The following MPP7 variants were observed in gnomAD, a reference collection of about 807,000 sequenced individuals.
MPP7 encodes the protein MAGUK p55 subfamily member 7.
Under a neutral mutation model 76.5 loss-of-function variants are expected in MPP7, and 60 were observed. The observed-to-expected ratio is 0.78, with a 90% confidence interval of 0.64 to 0.97. The LOEUF (loss-of-function observed/expected upper bound fraction) is 0.97. Among genes scored for constraint, MPP7 ranks in the 50% least tolerant of loss-of-function variants. The pLI, the probability that MPP7 is intolerant of heterozygous loss-of-function variation, is 0.00. For missense variants in MPP7, 641 were observed against 694.0 expected, an observed-to-expected ratio of 0.92 and a Z score of 0.86; for synonymous variants, 237 against 244.5, an observed-to-expected ratio of 0.97 and a Z score of 0.29.
intron 3 of MPP7, among the ~76,000 whole-genome samples, chr10:28,162,724 C>G (rs1836303594): frequency 6.6e-6 from 1 of 152,136 alleles, no homozygotes; most frequent in Non-Finnish European, 1.5e-5. Flanking sequence ...GGGGTTGAAC[C>G]TACTGACTTG....
At chr10:28,168,341 A>G (rs1312062791) in intron 3 of MPP7, among the ~76,000 whole-genome samples, 4 of 151,958 alleles carry the variant, frequency 2.6e-5, no homozygotes, top group African/African-American at 7.3e-5. Context: ...TGTGCTTTCT[A>G]TTTTCAGGAA....
At position 28,052,682 on chromosome 10, in the gene MPP7, AT is replaced by A. The variant is rs1286721806; in HGVS notation, c.*1382del. 1.3e-5 allele frequency: 2 copies of A among 152,468 alleles called. No individual in the cohort carries two copies. Among genetic ancestry groups the A allele is most frequent in the Non-Finnish European group, 2.9e-5 (2 of 68,046 alleles). The allele number at this position is 152,468 out of a possible 1,614,324, so 9.4% of individuals were successfully genotyped here. ...ATAGCCCCGTTTGATATTTAAAAAA[AT>A]ATGCCTTTAAAATATTTCATAAATA... On this transcript the variant is annotated 3_prime_UTR_variant, in exon 17 of 17. Transcript: ENST00000683449.
Position 28,252,921 on chromosome 10 carries a change from AG to A in MPP7, c.-131-14187del, listed in dbSNP as rs1232742926. ...TCATCTGCATTTCTTTTTTTTTGGG[AG>A]GGGGGGGCGGAGTCCCACTGTGTCA... On this transcript the variant is annotated intron_variant, in intron 1 of 16. Transcript: ENST00000683449. 5.0e-4 allele frequency among the ~76,000 whole-genome samples: 73 copies of A among 145,854 alleles called. 2 individuals are homozygous for A. Among genetic ancestry groups the A allele is most frequent in the Middle Eastern group, 3.5e-3 (1 of 282 alleles).
intron 2 of MPP7, among the ~76,000 whole-genome samples, chr10:28,215,884 AAAC>A (rs1838293232): frequency 6.6e-6 from 1 of 152,182 alleles, no homozygotes; most frequent in East Asian, 1.9e-4. Flanking sequence ...TTAAATGCTA[AAAC>A]TTATTAAGTA....
chr10:28,103,804 G>A (rs1395012235), intron 11 of MPP7, among the ~76,000 whole-genome samples: 1 of 152,070 alleles, frequency 6.6e-6, no homozygotes, highest in African/African-American at 2.4e-5. Context: ...AATACCAGAA[G>A]AAAATGGCAA....
intron 12 of MPP7, among the ~76,000 whole-genome samples, chr10:28,075,626 T>G (rs981484766): frequency 6.6e-6 from 1 of 152,176 alleles, no homozygotes; most frequent in Non-Finnish European, 1.5e-5. Flanking sequence ...GTGTTGGGTC[T>G]TCATCACGTG....
intron 13 of MPP7, among the ~76,000 whole-genome samples, chr10:28,067,331 C>G (rs1300612379): frequency 6.6e-6 from 1 of 152,190 alleles, no homozygotes; most frequent in Non-Finnish European, 1.5e-5. Context: ...CAAAGCAAAA[C>G]TACCTGAAAT....
intron 1 of MPP7, among the ~76,000 whole-genome samples, chr10:28,282,771 T>A (rs1018943086): frequency 6.6e-6 from 1 of 151,930 alleles, no homozygotes; most frequent in Non-Finnish European, 1.5e-5. Context: ...ACTCCTCAGT[T>A]CAACCCCTCG....
intron 3 of MPP7, among the ~76,000 whole-genome samples, chr10:28,175,135 C>A (rs895868373): frequency 6.6e-6 from 1 of 151,924 alleles, no homozygotes; most frequent in Admixed American, 6.6e-5. Context: ...ACTAAAAATC[C>A]ATAAATCAGT....
rs537969602 is a variant in MPP7 at position 28,291,748 on chromosome 10, T to A, written c.-132+11113A>T. 2.6e-5 allele frequency among the ~76,000 whole-genome samples: 4 copies of A among 152,374 alleles called. No homozygotes were observed. The South Asian group carries it at 8.3e-4, about 32-fold the overall frequency. ...TAAAAGAAAATATATTTGTACACTA[T>A]AAAATGTGCTTGTGTTTGAAGCTGT... On this transcript the variant is annotated intron_variant, in intron 1 of 16. Coordinates refer to ENST00000683449, the MANE Select transcript of MPP7 (RefSeq NM_001318170.2).
intron 1 of MPP7, among the ~76,000 whole-genome samples, chr10:28,265,600 T>C (rs1241225724): frequency 3.3e-5 from 5 of 152,138 alleles, no homozygotes; most frequent in Non-Finnish European, 7.3e-5. Flanking sequence ...CTTAAAAAAA[T>C]TCCACTTTGA....
intron 3 of MPP7, among the ~76,000 whole-genome samples, chr10:28,166,718 T>A (rs1287200864): frequency 6.6e-6 from 1 of 152,098 alleles, no homozygotes; most frequent in African/African-American, 2.4e-5. Flanking sequence ...TATCTTTTAA[T>A]TTTTAAAAAA....
chr10:28,198,482 T>C (rs1368338336), intron 3 of MPP7, among the ~76,000 whole-genome samples: 1 of 151,174 alleles, frequency 6.6e-6, no homozygotes, highest in Non-Finnish European at 1.5e-5. Flanking sequence ...GGCTGAGGCA[T>C]GAGAATCACT....
At chr10:28,164,092 C>T (rs1836362021) in intron 3 of MPP7, among the ~76,000 whole-genome samples, 1 of 152,016 alleles carries the variant, frequency 6.6e-6, no homozygotes, top group Non-Finnish European at 1.5e-5. Flanking sequence ...ATGATATAGG[C>T]CTGGCTTTAA....
chr10:28,301,454 C>T (rs115882204), intron 1 of MPP7, among the ~76,000 whole-genome samples: 3,808 of 152,210 alleles, frequency 0.025, 165 homozygotes, highest in African/African-American at 0.087. Context: ...AGCTAAGCAA[C>T]CTGAATGGAA....
intron 1 of MPP7, among the ~76,000 whole-genome samples, chr10:28,293,171 G>GA (rs1840961629): frequency 6.6e-6 from 1 of 151,728 alleles, no homozygotes; most frequent in Middle Eastern, 3.2e-3. Context: ...ACGAGAGACT[G>GA]AAAAAAGAAG....
chr10:28,094,328 G>T (rs181309258), intron 11 of MPP7, among the ~76,000 whole-genome samples: 15 of 152,228 alleles, frequency 9.9e-5, no homozygotes, highest in Non-Finnish European at 1.9e-4. Context: ...GGGAGCAGCT[G>T]GTCACTGATT....
intron 1 of MPP7, among the ~76,000 whole-genome samples, chr10:28,331,838 G>T (rs1221017098): frequency 6.6e-6 from 1 of 152,132 alleles, no homozygotes; most frequent in East Asian, 1.9e-4. Flanking sequence ...GCCTCCCAAA[G>T]TGCGGGAATT....
At chr10:28,174,491 A>T (rs74934738) in intron 3 of MPP7, among the ~76,000 whole-genome samples, 4,708 of 152,124 alleles carry the variant, frequency 0.031, 91 homozygotes, top group South Asian at 0.061. Context: ...CCTTCCACTG[A>T]AAGTGGAAGC....
Sources: gnomAD v4.1 joint callset for allele counts (sites outside exome capture counted in the v4.1 genomes callset) on GRCh38, gnomAD v4.1.1 for gene constraint, MANE v1.5 for transcripts, NCBI Gene and HGNC (gene_info 2026-07-23, HGNC 2026-07-21) for gene names.